ABR: variants seen among roughly 807,000 people sequenced by gnomAD.
ABR encodes the protein active breakpoint cluster region-related protein.
In ABR, 35 loss-of-function variants were observed where a neutral mutation model predicts 107.2. That is an observed-to-expected ratio of 0.33 (90% CI 0.25 to 0.43). The LOEUF (loss-of-function observed/expected upper bound fraction) is 0.43. Among genes scored for constraint, ABR ranks in the 20% least tolerant of loss-of-function variants. The pLI is 1.00. For missense variants in ABR, 815 were observed against 1,115.2 expected, an observed-to-expected ratio of 0.73 and a Z score of 3.83; for synonymous variants, 498 against 462.0, an observed-to-expected ratio of 1.08 and a Z score of -1.00.
chr17:1,035,151 C>G (rs1276517550), intron 16 of ABR, among the ~76,000 whole-genome samples: 1 of 151,792 alleles, frequency 6.6e-6, no homozygotes, highest in African/African-American at 2.4e-5. Context: ...TTCCTGGAGT[C>G]AATGGTCTTG....
At chr17:1,012,164 G>C in intron 18 of ABR, 179 bp from the exon 19 acceptor site, 1 of 999,296 alleles carries the variant, frequency 1.0e-6, no homozygotes, top group Non-Finnish European at 1.5e-6. Flanking sequence ...CAGCCCACCC[G>C]AGGCCTGCCG....
rs900334884 is a variant in ABR, at chr17:1,037,702, C to T, written c.1791+12348G>A. Among the ~76,000 whole-genome samples, 4 of 152,148 alleles carry T rather than the reference C, an allele frequency of 2.6e-5. No homozygotes were observed. Among genetic ancestry groups the T allele is most frequent in the African/African-American group, 9.7e-5 (4 of 41,440 alleles). ...GGGGGTGTGGCCGGGTCTCCCAGCA[C>T]AGCCATAAATTGCAGCCTGAGGCAG... On this transcript the variant is annotated intron_variant, in intron 16 of 22. Coordinates refer to ENST00000302538, the MANE Select transcript of ABR (RefSeq NM_021962.5). This position sits in a 1 kb window ranked among gnomAD's most constrained non-coding sequence, Gnocchi z 4.6.
intron 1 of ABR, among the ~76,000 whole-genome samples, chr17:1,141,047 T>G (rs974137535): frequency 4.6e-4 from 70 of 152,062 alleles, no homozygotes; most frequent in African/African-American, 1.7e-3. Context: ...ATGATGTAGG[T>G]TAAAGAACTG....
rs777410484 is a variant in ABR, at chr17:1,050,070, T to TGATCTTGTCCAC, written c.1759_1770dup (p.Val587_Ile590dup). 1.9e-6 allele frequency: 3 copies of TGATCTTGTCCAC among 1,613,986 alleles called. No homozygotes were observed. The highest frequency in any genetic ancestry group is 1.3e-5 in the African/African-American group (1 of 74,942). ...CTCACCTGGATCTGTCCTTTGCCCATGATCTTGTCCACGATCTCATTGTTG... is the reference window on the plus strand; with the variant it reads ...CTCACCTGGATCTGTCCTTTGCCCATGATCTTGTCCACGATCTTGTCCACGATCTCATTGTTG... On this transcript the variant is annotated inframe_insertion, in exon 16 of 23. Transcript: ENST00000302538. This position sits in a 1 kb window ranked among gnomAD's most constrained non-coding sequence, Gnocchi z 4.6.
Position 1,018,907 on chromosome 17 carries a change from G to A in ABR, c.1792-5743C>T, listed in dbSNP as rs561580847. 3.3e-5 allele frequency among the ~76,000 whole-genome samples: 5 copies of A among 152,294 alleles called. No homozygotes were observed. The East Asian group carries it at 9.6e-4, about 29-fold the overall frequency. ...ACAGATGAGGATGCTGCAGCTTAAC[G>A]AGAGTGAGGAATTTACCCAGTGCAC... is the stretch of plus-strand genomic sequence containing the variant. On this transcript the variant is annotated intron_variant, in intron 16 of 22. Coordinates refer to ENST00000302538, the MANE Select transcript of ABR (RefSeq NM_021962.5).
intron 2 of ABR, among the ~76,000 whole-genome samples, chr17:1,117,329 G>T (rs144506309): frequency 4.0e-5 from 2 of 49,938 alleles, no homozygotes; most frequent in African/African-American, 7.0e-5. Context: ...CCTCCCCAGC[G>T]TTATCCCTGA....
At position 1,028,256 on chromosome 17, in the gene ABR, A is replaced by ATTTT. The variant is rs564733650; in HGVS notation, c.1792-15096_1792-15093dup. Among the ~76,000 whole-genome samples, 345 of 141,192 alleles carry ATTTT rather than the reference A, an allele frequency of 2.4e-3. 2 individuals are homozygous for ATTTT. Among genetic ancestry groups the ATTTT allele is most frequent in the Admixed American group, 0.014 (204 of 14,320 alleles). The allele number at this position is 141,192 out of a possible 152,430, so 92.6% of individuals were successfully genotyped here. A position where few individuals can be genotyped will look rare whatever the true frequency, so the allele number is the denominator to read the frequency against. ...CAGGTGCCCGCCACCATGCCCGGCT[A>ATTTT]TTTTTTTTTTTTTTGTATTTTTAGT... On this transcript the variant is annotated intron_variant, in intron 16 of 22. Transcript: ENST00000302538.
intron 16 of ABR, among the ~76,000 whole-genome samples, chr17:1,016,460 G>A (rs1002852646): frequency 3.9e-5 from 6 of 151,968 alleles, no homozygotes; most frequent in Admixed American, 2.6e-4. Context: ...GGGATTACAG[G>A]TGCCTGCCAC....
rs575738618 is a variant in ABR, at chr17:1,201,926, G to C, written c.838+26867C>G. ...TCTCCTGACCTCGTGATCCGCCCGCGTCGGCCTCCCAAAGTGCTGGGATTA... is the reference window on the plus strand; with the variant it reads ...TCTCCTGACCTCGTGATCCGCCCGCCTCGGCCTCCCAAAGTGCTGGGATTA... On this transcript the variant is annotated intron_variant, in intron 1 of 22. Coordinates refer to the ABR transcript ENST00000574139. Among the ~76,000 whole-genome samples the C allele has an allele frequency of 1.5e-4, 23 of 152,106 alleles. No individual in the cohort carries two copies. In the South Asian group the frequency reaches 4.8e-3, roughly 32 times the overall value.
upstream of ABR, among the ~76,000 whole-genome samples, chr17:1,184,416 C>T (rs2042229036): frequency 1.3e-5 from 2 of 152,070 alleles, no homozygotes; most frequent in South Asian, 4.1e-4. Flanking sequence ...GATCACGCCA[C>T]TGCACTCCAG....
At chr17:1,033,373 A>G (rs1597462066) in intron 16 of ABR, among the ~76,000 whole-genome samples, 2 of 152,188 alleles carry the variant, frequency 1.3e-5, no homozygotes, top group South Asian at 4.1e-4. Flanking sequence ...AACTGTATGA[A>G]GTCAGTACCA....
intron 16 of ABR, among the ~76,000 whole-genome samples, chr17:1,020,040 C>T (rs1045113786): frequency 6.6e-5 from 10 of 152,036 alleles, no homozygotes; most frequent in African/African-American, 2.2e-4. Context: ...GGCCAGGGGT[C>T]GACGACTGGG....
chr17:1,222,277 C>G (rs984349237), intron 1 of ABR, among the ~76,000 whole-genome samples: 16 of 152,070 alleles, frequency 1.1e-4, no homozygotes, highest in Admixed American at 9.2e-4. Context: ...GTTGGCCAGG[C>G]TGGTCTCGAA....
chr17:1,056,227 A>C, intron 13 of ABR, 118 bp from the exon 14 acceptor site: 1 of 869,304 alleles, frequency 1.2e-6, no homozygotes, highest in Non-Finnish European at 1.9e-6. Flanking sequence ...GTCCAACATC[A>C]CCACCTGGTG....
intron 1 of ABR, among the ~76,000 whole-genome samples, chr17:1,226,548 G>A (rs552732678): frequency 2.0e-5 from 3 of 151,080 alleles, no homozygotes; most frequent in South Asian, 4.3e-4. Flanking sequence ...ATGTACATAC[G>A]TGTGCAGGTG....
chr17:1,108,922 T>C, intron 2 of ABR: 1 of 1,583,488 alleles, frequency 6.3e-7, no homozygotes, highest in Admixed American at 1.8e-5. Flanking sequence ...CCAGGGCGTG[T>C]CACGCTCCCA....
chr17:1,098,460 C>T (rs1293553863), intron 3 of ABR, among the ~76,000 whole-genome samples: 1 of 152,172 alleles, frequency 6.6e-6, no homozygotes, highest in African/African-American at 2.4e-5. Context: ...CACAGACAGA[C>T]AACAAACCGA....
At chr17:1,023,668 G>A (rs2071911532) in intron 16 of ABR, among the ~76,000 whole-genome samples, 1 of 152,210 alleles carries the variant, frequency 6.6e-6, no homozygotes, top group Admixed American at 6.5e-5. Flanking sequence ...GCCACGGGAA[G>A]GCCAAGGACC....
chr17:1,074,756 G>A (rs1206591807), intron 6 of ABR, among the ~76,000 whole-genome samples: 2 of 152,332 alleles, frequency 1.3e-5, no homozygotes, highest in East Asian at 3.9e-4. Context: ...AGGCCAGCCT[G>A]GCCAACCAGT....
Sources: gnomAD v4.1 joint callset for allele counts (sites outside exome capture counted in the v4.1 genomes callset) on GRCh38, gnomAD v4.1.1 for gene constraint, Gnocchi (gnomAD v3.1) non-coding constraint, MANE v1.5 for transcripts, NCBI Gene and HGNC (gene_info 2026-07-23, HGNC 2026-07-21) for gene names.